ARK2C: variants seen among roughly 807,000 people sequenced by gnomAD.
The protein encoded by ARK2C is arkadia (RNF111) C-terminal like ring finger ubiquitin ligase 2C.
the ARK2C span, among the ~76,000 whole-genome samples, chr18:46,398,129 G>T: frequency 7.0e-6 from 1 of 142,116 alleles, no homozygotes; most frequent in South Asian, 2.3e-4. Flanking sequence ...ATGCTGGGGT[G>T]GGAAGGTGTG....
chr18:46,411,040 AG>A, the ARK2C span, among the ~76,000 whole-genome samples: 5 of 152,258 alleles, frequency 3.3e-5, no homozygotes, highest in African/African-American at 1.2e-4. Context: ...GAAAAGTGAC[AG>A]GTGTCATAGA....
At chr18:46,403,230 A>T in the ARK2C span, among the ~76,000 whole-genome samples, 5,412 of 152,244 alleles carry the variant, frequency 0.036, 127 homozygotes, top group South Asian at 0.047. Flanking sequence ...CAAAATGTCC[A>T]TCTCTCCCAG....
At chr18:46,462,487 G>A in the ARK2C span, 2 of 152,394 alleles carry the variant, frequency 1.3e-5, no homozygotes, top group Non-Finnish European at 2.9e-5. Context: ...TGAGAACTGG[G>A]CTGTGTATGG....
chr18:46,401,754 T>C, the ARK2C span, among the ~76,000 whole-genome samples: 1 of 152,302 alleles, frequency 6.6e-6, no homozygotes, highest in Non-Finnish European at 1.5e-5. Context: ...CCTGGAGTCA[T>C]GGGACTTTAA....
the ARK2C span, among the ~76,000 whole-genome samples, chr18:46,451,148 GA>G: frequency 6.6e-6 from 1 of 152,192 alleles, no homozygotes; most frequent in Non-Finnish European, 1.5e-5. Context: ...TACCTGCACA[GA>G]AGGCTAATAT....
chr18:46,449,635 T>C, the ARK2C span, among the ~76,000 whole-genome samples: 2 of 152,292 alleles, frequency 1.3e-5, no homozygotes, highest in South Asian at 4.1e-4. Flanking sequence ...GCTTTTCTTA[T>C]GATAGTGAGT....
At chr18:46,450,802 G>A in the ARK2C span, 7 of 1,609,676 alleles carry the variant, frequency 4.3e-6, no homozygotes, top group Middle Eastern at 1.8e-4. Context: ...ATAAGAAGGT[G>A]GGTCTGCCAG....
the ARK2C span, among the ~76,000 whole-genome samples, chr18:46,390,542 A>C: frequency 6.6e-6 from 1 of 152,194 alleles, no homozygotes; most frequent in Non-Finnish European, 1.5e-5. Flanking sequence ...TGGAACTCAT[A>C]TTTAAAGCTT....
chr18:46,388,881 G>C, the ARK2C span, among the ~76,000 whole-genome samples: 6 of 152,008 alleles, frequency 3.9e-5, no homozygotes, highest in Admixed American at 3.9e-4. Flanking sequence ...ACAGACCTAA[G>C]AACACAGAGA....
At chr18:46,457,313 GA>G in the ARK2C span, 13 of 152,542 alleles carry the variant, frequency 8.5e-5, no homozygotes, top group African/African-American at 2.2e-4. Context: ...TGGGAGGCGG[GA>G]GGGGGGGGTT....
At chr18:46,418,272 G>A in the ARK2C span, among the ~76,000 whole-genome samples, 1 of 152,072 alleles carries the variant, frequency 6.6e-6, no homozygotes, top group African/African-American at 2.4e-5. Flanking sequence ...TGGGAGGATC[G>A]CTTGAGCCCA....
the ARK2C span, among the ~76,000 whole-genome samples, chr18:46,367,663 T>C: frequency 6.6e-6 from 1 of 152,204 alleles, no homozygotes; most frequent in African/African-American, 2.4e-5. Flanking sequence ...GTTGTATTCA[T>C]ATGACTTTTG....
chr18:46,334,168 C>A, the ARK2C span: 1 of 604,854 alleles, frequency 1.7e-6, no homozygotes, highest in Non-Finnish European at 2.1e-6. The surrounding 1 kb of genome is among the most constrained non-coding windows in gnomAD (Gnocchi z 4.4). Context: ...CCGCCTCCCG[C>A]CCCGGCGGCT....
the ARK2C span, among the ~76,000 whole-genome samples, chr18:46,365,270 C>T: frequency 6.6e-6 from 1 of 152,272 alleles, no homozygotes; most frequent in Non-Finnish European, 1.5e-5. Context: ...GAAACCCACG[C>T]CCCCTGTCAG....
the ARK2C span, among the ~76,000 whole-genome samples, chr18:46,371,223 C>T: frequency 6.6e-6 from 1 of 152,152 alleles, no homozygotes; most frequent in Non-Finnish European, 1.5e-5. Flanking sequence ...CTGCCCTTGA[C>T]ACGTGAGGAT....
the ARK2C span, among the ~76,000 whole-genome samples, chr18:46,347,503 G>A: frequency 7.3e-3 from 1,112 of 152,252 alleles, 10 homozygotes; most frequent in African/African-American, 0.026. Context: ...GGGGCTTCGT[G>A]TCCTCCCTCT....
the ARK2C span, chr18:46,337,196 A>G: frequency 6.1e-6 from 6 of 985,396 alleles, no homozygotes; most frequent in Non-Finnish European, 7.2e-6. Flanking sequence ...CCAGACTGCC[A>G]TTTGGCAATC....
the ARK2C span, among the ~76,000 whole-genome samples, chr18:46,355,899 C>T: frequency 6.6e-6 from 1 of 152,160 alleles, no homozygotes; most frequent in African/African-American, 2.4e-5. Flanking sequence ...TGGATGATGA[C>T]GACAATGGTG....
the ARK2C span, among the ~76,000 whole-genome samples, chr18:46,407,110 C>A: frequency 6.6e-6 from 1 of 152,224 alleles, no homozygotes; most frequent in African/African-American, 2.4e-5. Context: ...TCCTACCACA[C>A]AAAGTTGGGT....
Sources: allele counts gnomAD v4.1 joint callset (sites outside exome capture counted in the v4.1 genomes callset), GRCh38; gene constraint gnomAD v4.1.1; non-coding constraint Gnocchi (gnomAD v3.1); transcripts MANE v1.5; gene names NCBI Gene and HGNC (gene_info 2026-07-23, HGNC 2026-07-21).